FHIT: variants seen among roughly 807,000 people sequenced by gnomAD.
FHIT encodes the protein fragile histidine triad diadenosine triphosphatase.
A neutral mutation model predicts 17.9 loss-of-function variants in FHIT; 19 were observed. The ratio of observed to expected loss-of-function variants is 1.06; its 90% CI spans 0.74 to 1.56. The LOEUF (loss-of-function observed/expected upper bound fraction) is 1.56. FHIT is among the 40% of genes most tolerant of loss of function. The pLI is 0.00. For missense variants in FHIT, 248 were observed against 189.2 expected (o/e 1.31, Z -1.82); for synonymous variants, 81 against 69.7 (o/e 1.16, Z -0.81).
At chr3:59,772,773 A>G (rs1042096760) in intron 8 of FHIT, among the ~76,000 whole-genome samples, 2 of 152,102 alleles carry the variant, frequency 1.3e-5, no homozygotes, top group Non-Finnish European at 2.9e-5. Context: ...CACCCAGAAG[A>G]GCTCGATGTT....
chr3:60,441,576 G>C (rs2030803597), intron 5 of FHIT, among the ~76,000 whole-genome samples: 1 of 150,584 alleles, frequency 6.6e-6, no homozygotes, highest in African/African-American at 2.4e-5. Context: ...TCAAGATAGA[G>C]ACACACCTTT....
intron 5 of FHIT, among the ~76,000 whole-genome samples, chr3:60,038,712 T>A (rs561014710): frequency 6.6e-6 from 1 of 152,216 alleles, no homozygotes; most frequent in East Asian, 1.9e-4. Context: ...AAAGAATTTA[T>A]ATCAGAATAT....
chr3:61,083,746 A>G (rs529933542), intron 2 of FHIT, among the ~76,000 whole-genome samples: 125 of 151,816 alleles, frequency 8.2e-4, no homozygotes, highest in African/African-American at 2.8e-3. Flanking sequence ...ATTATATGAT[A>G]TGTGTTTTTT....
rs1466558463 is a variant in FHIT at position 60,371,942 on chromosome 3, G to T, written c.103+164918C>A. On this transcript the variant is annotated intron_variant, in intron 5 of 9. Coordinates refer to ENST00000492590, the MANE Select transcript of FHIT (RefSeq NM_002012.4). ...ACAATTCTAATTTATTTTCCCAACA[G>T]AATCTTCACAATTATGTAAAAATTG... 2.0e-5 allele frequency among the ~76,000 whole-genome samples: 3 copies of T among 149,568 alleles called. No homozygotes were observed. In the Admixed American group the frequency reaches 2.0e-4, roughly 10 times the overall value.
intron 3 of FHIT, among the ~76,000 whole-genome samples, chr3:60,980,849 A>G (rs1357259705): frequency 6.6e-6 from 1 of 152,216 alleles, no homozygotes; most frequent in Non-Finnish European, 1.5e-5. Flanking sequence ...AAAAAAAATG[A>G]CATAAATTTA....
At chr3:60,195,546 G>GATATATATATATATATATATATATATAT (rs1223456537) in intron 5 of FHIT, among the ~76,000 whole-genome samples, 4 of 18,882 alleles carry the variant, frequency 2.1e-4, no homozygotes, top group Admixed American at 1.2e-3. Flanking sequence ...AGGAAAATGT[G>GATATATATATATATATATATATATATAT]ATATATATAT....
rs115169291 is a variant in FHIT at position 60,561,847 on chromosome 3, T to A, written c.-17-24868A>T. On this transcript the variant is annotated intron_variant, in intron 4 of 9. Coordinates refer to ENST00000492590, the MANE Select transcript of FHIT (RefSeq NM_002012.4). ...CACCATTCTTAATATCAAAACATTC[T>A]CTCTTTTTTATTGCCCAGACTCTGG... is the stretch of plus-strand genomic sequence containing the variant. Among the ~76,000 whole-genome samples the A allele has an allele frequency of 1.3e-3, 203 of 151,072 alleles. 2 individuals are homozygous for A. The highest frequency in any genetic ancestry group is 4.7e-3 in the African/African-American group (194 of 41,086).
rs1336161929 is a variant in FHIT at position 60,683,523 on chromosome 3, GA to G, written c.-18+138395del. Among the ~76,000 whole-genome samples, 255 of 56,046 alleles carry G rather than the reference GA, an allele frequency of 4.5e-3. 4 individuals carry two copies. Among genetic ancestry groups the G allele is most frequent in the Admixed American group, 0.045 (249 of 5,562 alleles). The allele number at this position is 56,046 out of a possible 152,430, so 36.8% of individuals were successfully genotyped here. On this transcript the variant is annotated intron_variant, in intron 4 of 9. Transcript: ENST00000492590. ...TTAGCAAAAAAAATTTTTAAATTAAGATAACATATTTTTTTATAATGCTATT... is the reference window on the plus strand; with the variant it reads ...TTAGCAAAAAAAATTTTTAAATTAAGTAACATATTTTTTTATAATGCTATT...
intron 3 of FHIT, among the ~76,000 whole-genome samples, chr3:60,847,211 C>G (rs1553746809): frequency 6.6e-6 from 1 of 152,214 alleles, no homozygotes; most frequent in African/African-American, 2.4e-5. Flanking sequence ...TAATCTAACT[C>G]TTGTTTCATC....
At chr3:61,023,981 A>G (rs566477356) in intron 3 of FHIT, among the ~76,000 whole-genome samples, 1 of 152,324 alleles carries the variant, frequency 6.6e-6, no homozygotes, top group Non-Finnish European at 1.5e-5. Flanking sequence ...ATGGCAACAA[A>G]AGCCAAAATT....
intron 5 of FHIT, among the ~76,000 whole-genome samples, chr3:60,099,880 T>C (rs963794684): frequency 6.6e-6 from 1 of 152,202 alleles, no homozygotes; most frequent in African/African-American, 2.4e-5. Context: ...AATCAGACTG[T>C]CTGAGCTGCA....
chr3:59,809,238 G>A (rs1456035956), intron 8 of FHIT, among the ~76,000 whole-genome samples: 3 of 152,148 alleles, frequency 2.0e-5, no homozygotes, highest in South Asian at 2.1e-4. Flanking sequence ...GGATTAGAAT[G>A]GGCCCTAAAT....
chr3:59,967,598 G>A lies in FHIT; in HGVS notation c.279+43773C>T, dbSNP rs77952551. Reference sequence around the variant, plus strand: ...TATAACCTTACAAGCTTGATAAAAGGCAGGTAAAATTCTAAAATGCACTGT... The same window carrying A: ...TATAACCTTACAAGCTTGATAAAAGACAGGTAAAATTCTAAAATGCACTGT... On this transcript the variant is annotated intron_variant, in intron 7 of 9. Coordinates refer to ENST00000492590, the MANE Select transcript of FHIT (RefSeq NM_002012.4). Among the ~76,000 whole-genome samples, 156 of 152,232 alleles carry A rather than the reference G, an allele frequency of 1.0e-3. 1 individual carries two copies. The highest frequency in any genetic ancestry group is 3.7e-3 in the African/African-American group (154 of 41,538).
intron 1 of FHIT, among the ~76,000 whole-genome samples, chr3:61,223,286 G>A (rs2039886808): frequency 6.6e-6 from 1 of 152,106 alleles, no homozygotes; most frequent in Admixed American, 6.5e-5. Flanking sequence ...TGACCTCTTG[G>A]CATGTGTTTT....
intron 3 of FHIT, among the ~76,000 whole-genome samples, chr3:60,938,284 G>A (rs1413379276): frequency 1.8e-4 from 28 of 152,170 alleles, no homozygotes; most frequent in Non-Finnish European, 5.9e-5. Context: ...GTAGAATGCT[G>A]TATGAGGAAG....
At chr3:61,170,096 A>G (rs2037959272) in intron 2 of FHIT, among the ~76,000 whole-genome samples, 1 of 152,208 alleles carries the variant, frequency 6.6e-6, no homozygotes. Flanking sequence ...TAGTTGAGAA[A>G]AGGGCTCAGA....
intron 7 of FHIT, among the ~76,000 whole-genome samples, chr3:59,979,115 T>C (rs1708539383): frequency 6.6e-6 from 1 of 152,120 alleles, no homozygotes; most frequent in Non-Finnish European, 1.5e-5. Flanking sequence ...TGAAGACTGT[T>C]TTAACATGTG....
chr3:61,100,073 T>A (rs2035769378), intron 2 of FHIT, among the ~76,000 whole-genome samples: 1 of 152,112 alleles, frequency 6.6e-6, no homozygotes, highest in South Asian at 2.1e-4. Flanking sequence ...TTCTTTTTTT[T>A]ATTATATTTT....
chr3:61,037,299 T>A (rs972808957), intron 3 of FHIT, among the ~76,000 whole-genome samples: 2 of 152,166 alleles, frequency 1.3e-5, no homozygotes, highest in Admixed American at 6.5e-5. Flanking sequence ...TCAGAGTGCT[T>A]GGATTCTAGC....
Sources: allele counts gnomAD v4.1 joint callset (sites outside exome capture counted in the v4.1 genomes callset), GRCh38; gene constraint gnomAD v4.1.1; transcripts MANE v1.5; gene names NCBI Gene and HGNC (gene_info 2026-07-23, HGNC 2026-07-21).